LEPR: variants seen among roughly 807,000 people sequenced by gnomAD.
LEPR encodes the protein leptin receptor.
Under a neutral mutation model 114.7 loss-of-function variants are expected in LEPR, and 56 were observed. The observed-to-expected ratio is 0.49, with a 90% CI of 0.39 to 0.61. The LOEUF (loss-of-function observed/expected upper bound fraction) is 0.61, where lower values mean the gene tolerates loss of function less well. LEPR is among the 20% of genes least tolerant of loss of function. LEPR has a pLI of 0.00. For missense variants in LEPR, 1,202 were observed against 1,352.9 expected (o/e 0.89, Z 1.75); for synonymous variants, 443 against 461.4 (o/e 0.96, Z 0.51).
At chr1:65,507,537 G>GTATA (rs141509569) in intron 2 of LEPR, among the ~76,000 whole-genome samples, 28,574 of 140,244 alleles carry the variant, frequency 0.2, 3,205 homozygotes, top group Middle Eastern at 0.31. Flanking sequence ...ATATATGTGT[G>GTATA]TATATATATA....
At chr1:65,489,469 G>A (rs948840793) in intron 2 of LEPR, among the ~76,000 whole-genome samples, 1 of 152,150 alleles carries the variant, frequency 6.6e-6, no homozygotes, top group South Asian at 2.1e-4. Context: ...TGGATTATTT[G>A]ATTTTCCTCC....
At chr1:65,427,197 A>G (rs1646394173) in intron 2 of LEPR, among the ~76,000 whole-genome samples, 1 of 152,198 alleles carries the variant, frequency 6.6e-6, no homozygotes, top group South Asian at 2.1e-4. Context: ...AGCTTTTGGA[A>G]TGTAATACGG....
chr1:65,554,027 C>T (rs1426891620), intron 2 of LEPR, among the ~76,000 whole-genome samples: 1 of 152,184 alleles, frequency 6.6e-6, no homozygotes, highest in East Asian at 1.9e-4. Flanking sequence ...CTGGGTATCA[C>T]CAGCGGAGGC....
chr1:65,637,021 C>T lies in LEPR; in HGVS notation c.*6C>T. On this transcript the variant is annotated 3_prime_UTR_variant, in exon 20 of 20. Transcript: ENST00000349533. ...TGTGTGACCTAACTGTGTAATTTCA[C>T]TGAAGAAACCTTCAGATTTGTGTTA... 6.2e-7 allele frequency: 1 copy of T among 1,612,080 alleles called. No individual in the cohort carries two copies. Among genetic ancestry groups the T allele is most frequent in the Non-Finnish European group, 8.5e-7 (1 of 1,179,334 alleles).
chr1:65,557,230 T>G (rs183461039), intron 2 of LEPR, among the ~76,000 whole-genome samples: 2 of 152,288 alleles, frequency 1.3e-5, no homozygotes, highest in East Asian at 3.9e-4. Flanking sequence ...ACTGTTCATT[T>G]CATTTTAACT....
chr1:65,535,398 C>T (rs1650695854), intron 2 of LEPR, among the ~76,000 whole-genome samples: 1 of 151,452 alleles, frequency 6.6e-6, no homozygotes, highest in Admixed American at 6.6e-5. Context: ...CAGTGTCTCG[C>T]TCTATCACCC....
chr1:65,512,872 C>A (rs1210177585), intron 2 of LEPR, among the ~76,000 whole-genome samples: 2 of 152,152 alleles, frequency 1.3e-5, no homozygotes, highest in African/African-American at 4.8e-5. Context: ...TTAAGCCACG[C>A]TTTCTGATCA....
chr1:65,552,570 C>T (rs1231644372), intron 2 of LEPR, among the ~76,000 whole-genome samples: 1 of 152,050 alleles, frequency 6.6e-6, no homozygotes, highest in Admixed American at 6.6e-5. Context: ...GATAAATATT[C>T]CTCCATCCCT....
chr1:65,521,377 C>T (rs1392006197), intron 2 of LEPR, among the ~76,000 whole-genome samples: 1 of 152,072 alleles, frequency 6.6e-6, no homozygotes, highest in Non-Finnish European at 1.5e-5. Flanking sequence ...AGAACCAGGC[C>T]CACCATGATT....
At position 65,639,315 on chromosome 1, in the gene LEPR, T is replaced by C. The variant is rs1211390432; in HGVS notation, c.*2300T>C. The C allele has an allele frequency of 6.6e-6, 1 of 152,228 alleles. No homozygotes were observed. The highest frequency in any genetic ancestry group is 2.4e-5 in the African/African-American group (1 of 41,450). The allele number at this position is 152,228 out of a possible 1,614,324, so 9.4% of individuals were successfully genotyped here. ...TGAACAAAAATGCACTTCAGAAATA[T>C]TGAAATTCCAAGGCACTATTTCATG... is the stretch of plus-strand genomic sequence containing the variant. On this transcript the variant is annotated 3_prime_UTR_variant, in exon 20 of 20. Coordinates refer to ENST00000349533, the MANE Select transcript of LEPR (RefSeq NM_002303.6).
chr1:65,583,122 C>A (rs1332191815), intron 5 of LEPR, among the ~76,000 whole-genome samples: 2 of 152,176 alleles, frequency 1.3e-5, no homozygotes, highest in African/African-American at 4.8e-5. Context: ...AAAATGAGTA[C>A]TCCTAGTACT....
intron 4 of LEPR, 24 bp from the exon 5 acceptor site, chr1:65,572,302 T>TG (rs1654251602): frequency 3.0e-6 from 4 of 1,322,580 alleles, no homozygotes; most frequent in South Asian, 2.9e-5. Context: ...TTTTTTTTTT[T>TG]TTTTTTTTTT....
In LEPR at chr1:65,621,400, C is replaced by G; in HGVS notation, c.2539C>G (p.Pro847Ala). The G allele has an allele frequency of 1.9e-6, 3 of 1,613,214 alleles. No homozygotes were observed. In the South Asian group the frequency reaches 3.3e-5, roughly 18 times the overall value. ...QSDAGLYVIV[P>A]VIISSSILLL... Reference sequence around the variant, plus strand: ...TGATGCAGGTTTATATGTAATTGTGCCAGTAATTATTTCCTCTTCCATCTT... The same window carrying G: ...TGATGCAGGTTTATATGTAATTGTGGCAGTAATTATTTCCTCTTCCATCTT... Residue 847 changes from proline (P) to alanine (A), a missense_variant, in exon 18 of 20, where the codon CCA (proline) becomes GCA (alanine). Pro to Ala is a conservative substitution (Grantham distance 27). Coordinates refer to ENST00000349533, the MANE Select transcript of LEPR (RefSeq NM_002303.6).
intron 2 of LEPR, among the ~76,000 whole-genome samples, chr1:65,488,181 T>C (rs1297510732): frequency 5.3e-5 from 1 of 18,968 alleles, no homozygotes; most frequent in African/African-American, 2.3e-4. Flanking sequence ...TCTTTCTTTC[T>C]TTCTTTCTTT....
In LEPR at chr1:65,640,795, T is replaced by C. The variant is rs377531911; in HGVS notation, c.*3780T>C. ...TTTTTTTTTTTTTAGGAAGTCTTGC[T>C]CTGTTGCCCAGCTGGAGTGCAGTGA... On this transcript the variant is annotated 3_prime_UTR_variant, in exon 20 of 20. Coordinates refer to ENST00000349533, the MANE Select transcript of LEPR (RefSeq NM_002303.6). The C allele has an allele frequency of 6.8e-6, 1 of 146,754 alleles. No individual in the cohort carries two copies. The highest frequency in any genetic ancestry group is 2.6e-5 in the African/African-American group (1 of 39,104). The allele number at this position is 146,754 out of a possible 1,614,324, so 9.1% of individuals were successfully genotyped here. A position where few individuals can be genotyped will look rare whatever the true frequency, so the allele number is the denominator to read the frequency against.
chr1:65,453,735 G>T (rs976445534), intron 2 of LEPR, among the ~76,000 whole-genome samples: 1 of 152,112 alleles, frequency 6.6e-6, no homozygotes, highest in African/African-American at 2.4e-5. Context: ...GTGGTGTGGT[G>T]CTGAAAAAAA....
intron 1 of LEPR, 122 bp from the exon 2 acceptor site, chr1:65,425,181 A>T: frequency 1.3e-6 from 1 of 750,258 alleles, no homozygotes; most frequent in Non-Finnish European, 2.3e-6. Context: ...AATTCCAGAA[A>T]ATTTACTCAT....
chr1:65,616,883 T>G (rs1352083323), intron 15 of LEPR, among the ~76,000 whole-genome samples: 1 of 152,182 alleles, frequency 6.6e-6, no homozygotes, highest in Non-Finnish European at 1.5e-5. Context: ...TTTCCAACTG[T>G]TACCTCCTTT....
chr1:65,607,974 C>T (rs1656920167), intron 11 of LEPR, among the ~76,000 whole-genome samples: 1 of 152,152 alleles, frequency 6.6e-6, no homozygotes, highest in Non-Finnish European at 1.5e-5. Context: ...AAATCACTTG[C>T]TATTCAGACC....
Sources: gnomAD v4.1 joint callset for allele counts (sites outside exome capture counted in the v4.1 genomes callset) on GRCh38, gnomAD v4.1.1 for gene constraint, MANE v1.5 for transcripts, NCBI Gene and HGNC (gene_info 2026-07-23, HGNC 2026-07-21) for gene names.